RNPS1: variants seen among roughly 807,000 people sequenced by gnomAD.
RNPS1 encodes the protein RNA-binding protein with serine-rich domain 1.
For missense variants in RNPS1, 300 were observed against 427.6 expected (o/e 0.70, Z 2.63); for synonymous variants, 147 against 150.0 (o/e 0.98, Z 0.15).
At chr16:2,255,505 C>T in intron 7 of RNPS1, 80 bp downstream of exon 7, 2 of 1,477,514 alleles carry the variant, frequency 1.4e-6, no homozygotes, top group Admixed American at 4.5e-5. Context: ...GCAGGCAGGG[C>T]TGAATAAAGG....
At position 2,268,077 on chromosome 16, in the gene RNPS1, C is replaced by T; in HGVS notation, c.-140G>A. On this transcript the variant is annotated 5_prime_UTR_variant, in exon 1 of 8. Transcript: ENST00000320225. Reference sequence around the variant, plus strand: ...TACATCTTCCCGCCGCCGCCACCTCCTCCTGCTTTCCTCAGCCGCCGAGGC... The same window carrying T: ...TACATCTTCCCGCCGCCGCCACCTCTTCCTGCTTTCCTCAGCCGCCGAGGC... 2.0e-6 allele frequency: 3 copies of T among 1,535,472 alleles called. No homozygotes were observed. The highest frequency in any genetic ancestry group is 1.7e-6 in the Non-Finnish European group (2 of 1,146,678).
In RNPS1 at chr16:2,268,045, C is replaced by A. The variant is rs1363218989; in HGVS notation, c.-118+10G>T. 1.3e-6 allele frequency: 2 copies of A among 1,534,464 alleles called. No homozygotes were observed. Among genetic ancestry groups the A allele is most frequent in the South Asian group, 2.4e-5 (2 of 83,996 alleles). Reference sequence around the variant, plus strand: ...AAACACGGATGCAGTCGGATTCCGCCCCAACTTACATCTTCCCGCCGCCGC... The same window carrying A: ...AAACACGGATGCAGTCGGATTCCGCACCAACTTACATCTTCCCGCCGCCGC... On this transcript the variant is annotated intron_variant, in intron 1 of 7. Coordinates refer to ENST00000320225, the MANE Select transcript of RNPS1 (RefSeq NM_080594.4).
intron 1 of RNPS1, chr16:2,266,126 T>A: frequency 5.1e-6 from 5 of 985,364 alleles, no homozygotes; most frequent in Non-Finnish European, 6.0e-6. Flanking sequence ...CAAGAGCCAG[T>A]TGGTAAGGAG....
At position 2,253,532 on chromosome 16, in the gene RNPS1, T is replaced by G. The variant is rs900311587; in HGVS notation, c.*432A>C. 9.8e-6 allele frequency: 3 copies of G among 306,636 alleles called. No individual in the cohort carries two copies. Among genetic ancestry groups the G allele is most frequent in the Admixed American group, 5.0e-5 (1 of 20,040 alleles). 19.0% of individuals were successfully genotyped at this position (306,636 alleles called of 1,614,324 possible). On this transcript the variant is annotated 3_prime_UTR_variant, in exon 8 of 8. Transcript: ENST00000320225. ...CTCGAGAGGCCAGGCCTAACAGGGTTGGCAGCTGCACTAAAGCCTGGGGCA... is the reference window on the plus strand; with the variant it reads ...CTCGAGAGGCCAGGCCTAACAGGGTGGGCAGCTGCACTAAAGCCTGGGGCA...
intron 1 of RNPS1, chr16:2,267,575 C>T (rs947440953): frequency 2.6e-5 from 28 of 1,060,928 alleles, no homozygotes; most frequent in Non-Finnish European, 3.2e-5. Flanking sequence ...ATCGGCCGAC[C>T]TTCCACCGCA....
chr16:2,253,930 A>G lies in RNPS1; in HGVS notation c.*34T>C, dbSNP rs777134432. On this transcript the variant is annotated 3_prime_UTR_variant, in exon 8 of 8. Transcript: ENST00000320225. ...GTGACAAAACTGAGCTGGGTGGGGTATAAGTTACAGGGGCGAGAGCTTCAG... is the reference window on the plus strand; with the variant it reads ...GTGACAAAACTGAGCTGGGTGGGGTGTAAGTTACAGGGGCGAGAGCTTCAG... 20 of 1,526,578 alleles carry G rather than the reference A, an allele frequency of 1.3e-5. No homozygotes were observed. Among genetic ancestry groups the G allele is most frequent in the South Asian group, 1.1e-4 (9 of 83,588 alleles). The allele number at this position is 1,526,578 out of a possible 1,614,324, so 94.6% of individuals were successfully genotyped here.
intron 3 of RNPS1, among the ~76,000 whole-genome samples, chr16:2,263,741 T>G (rs1187202402): frequency 4.6e-5 from 7 of 151,942 alleles, no homozygotes; most frequent in Non-Finnish European, 1.0e-4. Flanking sequence ...GCCTCCCGAG[T>G]AGCTGGGAGT....
chr16:2,267,848 C>A (rs1303981387), intron 1 of RNPS1: 2 of 1,507,216 alleles, frequency 1.3e-6, no homozygotes, highest in Middle Eastern at 2.4e-4. Context: ...CCGTCCGCAG[C>A]GGCCCCGACC....
chr16:2,267,321 T>C, intron 1 of RNPS1: 1 of 984,668 alleles, frequency 1.0e-6, no homozygotes, highest in Non-Finnish European at 1.2e-6. Context: ...ACCTTCCCCA[T>C]TTAAAAGTAC....
rs183202637 is a variant in RNPS1, at chr16:2,254,652, C to T, written c.819-589G>A. ...TTCACCATGTTGGCCAGGATGGTCTCGACCTCCTGACCTTGTGATCCACCC... is the reference window on the plus strand; with the variant it reads ...TTCACCATGTTGGCCAGGATGGTCTTGACCTCCTGACCTTGTGATCCACCC... On this transcript the variant is annotated intron_variant, in intron 7 of 7. Transcript: ENST00000320225. Among the ~76,000 whole-genome samples the T allele has an allele frequency of 2.0e-4, 31 of 151,698 alleles. 1 individual carries two copies. In the East Asian group the frequency reaches 2.3e-3, roughly 11 times the overall value.
chr16:2,261,131 A>T (rs1018645873), intron 6 of RNPS1, among the ~76,000 whole-genome samples: 11 of 147,792 alleles, frequency 7.4e-5, no homozygotes, highest in African/African-American at 2.3e-4. Context: ...CTCCGTCTCA[A>T]AAAAAAAAAA....
chr16:2,259,451 A>G (rs1396149512), intron 6 of RNPS1, among the ~76,000 whole-genome samples: 2 of 152,230 alleles, frequency 1.3e-5, no homozygotes, highest in Non-Finnish European at 2.9e-5. Flanking sequence ...TCATCCATAA[A>G]CAATTGTTGT....
intron 1 of RNPS1, chr16:2,267,470 G>C (rs2093629489): frequency 1.0e-6 from 1 of 977,222 alleles, no homozygotes; most frequent in South Asian, 4.2e-5. Flanking sequence ...GTCCATAGTG[G>C]GCCGTATCCC....
In RNPS1 at chr16:2,262,353, G is replaced by A. The variant is rs745851147; in HGVS notation, c.601C>T (p.Leu201=). ...DMPVERMHPH[L]SKGYAYVEFE... is the part of the protein sequence containing the mutation. ...TCTACGTACGCATAGCCTTTGGACA[G>A]ATGGGGATGCATCCTTTCCACGGGC... Residue 201 remains leucine (L), a synonymous_variant, in exon 6 of 8, where the codon CTG becomes TTG. Coordinates refer to ENST00000320225, the MANE Select transcript of RNPS1 (RefSeq NM_080594.4). The A allele has an allele frequency of 6.2e-7, 1 of 1,614,050 alleles. No individual in the cohort carries two copies. The highest frequency in any genetic ancestry group is 8.5e-7 in the Non-Finnish European group (1 of 1,179,926).
At chr16:2,262,900 G>T in intron 4 of RNPS1, 58 bp from the exon 5 acceptor site, 2 of 1,463,220 alleles carry the variant, frequency 1.4e-6, no homozygotes, top group Non-Finnish European at 1.9e-6. Flanking sequence ...TGTACTAGAC[G>T]CCTTTCGAGT....
chr16:2,255,542 G>C (rs746703900), intron 7 of RNPS1, 43 bp downstream of exon 7: 3 of 1,535,000 alleles, frequency 2.0e-6, no homozygotes, highest in East Asian at 2.3e-5. Context: ...GGTCACATGA[G>C]GTTTGTGGCC....
chr16:2,264,814 T>A, intron 1 of RNPS1, 54 bp from the exon 2 acceptor site: 1 of 1,405,622 alleles, frequency 7.1e-7, no homozygotes, highest in South Asian at 1.5e-5. Flanking sequence ...AGGCAACAAG[T>A]CTACTTTGCA....
intron 6 of RNPS1, among the ~76,000 whole-genome samples, chr16:2,260,076 T>G (rs1479052001): frequency 6.6e-6 from 1 of 151,888 alleles, no homozygotes; most frequent in South Asian, 2.1e-4. Flanking sequence ...GGAACAAAAC[T>G]TGGAGCATAT....
intron 6 of RNPS1, among the ~76,000 whole-genome samples, chr16:2,260,585 C>A (rs2093599099): frequency 6.6e-6 from 1 of 152,110 alleles, no homozygotes; most frequent in Non-Finnish European, 1.5e-5. Flanking sequence ...TTCTAATGGA[C>A]AAAAACCTCA....
Sources: gnomAD v4.1 joint callset for allele counts (sites outside exome capture counted in the v4.1 genomes callset) on GRCh38, gnomAD v4.1.1 for gene constraint, MANE v1.5 for transcripts, NCBI Gene and HGNC (gene_info 2026-07-23, HGNC 2026-07-21) for gene names.